MYH9: variants seen among roughly 807,000 people sequenced by gnomAD.
MYH9 encodes the protein myosin heavy chain 9, also known as myosin-9.
Under a neutral mutation model 241.9 loss-of-function variants are expected in MYH9, and 29 were observed. That is an observed-to-expected ratio of 0.12 (90% CI 0.09 to 0.16). The LOEUF (loss-of-function observed/expected upper bound fraction) is 0.16. Ranked by LOEUF, MYH9 falls within the 10% of genes least tolerant of loss-of-function variation. MYH9 has a pLI of 1.00. For synonymous variants in MYH9, 1,047 were observed against 1,062.6 expected, an observed-to-expected ratio of 0.99 and a Z score of 0.29; for missense variants, 1,803 against 2,595.5, an observed-to-expected ratio of 0.69 and a Z score of 6.63.
At chr22:36,322,256 AG>A (rs1332239474) in intron 6 of MYH9, among the ~76,000 whole-genome samples, 172 bp downstream of exon 6, 1 of 152,254 alleles carries the variant, frequency 6.6e-6, no homozygotes, top group Non-Finnish European at 1.5e-5. Context: ...GGGGCAGGGC[AG>A]GTCCACACCA....
intron 1 of MYH9, among the ~76,000 whole-genome samples, chr22:36,355,257 G>A (rs947715996): frequency 6.6e-6 from 1 of 152,166 alleles, no homozygotes; most frequent in African/African-American, 2.4e-5. Flanking sequence ...CTCAGGAAAT[G>A]ATGAAACTGA....
In MYH9 at chr22:36,290,685, C is replaced by T. The variant is rs569403309; in HGVS notation, c.4344+1301G>A. ...AGGGGTGTCTCTGCCCGGCCGCCAT[C>T]CCATCTAGGAGGTGAGGAGCGCCTC... is the stretch of plus-strand genomic sequence containing the variant. On this transcript the variant is annotated intron_variant, in intron 31 of 40. Coordinates refer to ENST00000216181, the MANE Select transcript of MYH9 (RefSeq NM_002473.6). Among the ~76,000 whole-genome samples, 104 of 150,194 alleles carry T rather than the reference C, an allele frequency of 6.9e-4. 1 individual carries two copies. Among genetic ancestry groups the T allele is most frequent in the Non-Finnish European group, 1.2e-4 (8 of 67,434 alleles).
chr22:36,345,439 T>G (rs1395882758), intron 2 of MYH9, among the ~76,000 whole-genome samples: 1 of 151,756 alleles, frequency 6.6e-6, no homozygotes, highest in Non-Finnish European at 1.5e-5. Flanking sequence ...AGGCTCCAAC[T>G]ATAGCACTTA....
chr22:36,346,211 T>C (rs1027871877), intron 2 of MYH9, among the ~76,000 whole-genome samples: 6 of 151,530 alleles, frequency 4.0e-5, no homozygotes, highest in African/African-American at 1.5e-4. Flanking sequence ...TATCTACTTG[T>C]TGATAGGTCT....
At chr22:36,319,853 C>T (rs759413050) in intron 9 of MYH9, 109 of 644,254 alleles carry the variant, frequency 1.7e-4, no homozygotes, top group Middle Eastern at 4.1e-4. Flanking sequence ...ATGGCCTGTC[C>T]GCACTGCCAT....
Position 36,306,566 on chromosome 22 carries a change from C to T in MYH9, c.1885G>A (p.Glu629Lys). Residue 629 changes from glutamate (E) to lysine (K), a missense_variant, in exon 16 of 41, where the codon GAG becomes AAG. Around this residue, in one of 11 missense-constraint regions of MYH9, gnomAD observed 163 missense variants for 349.7 expected, o/e 0.47. Transcript: ENST00000216181. This position sits in a 1 kb window ranked among gnomAD's most constrained non-coding sequence, Gnocchi z 4.1. ...IGLDQVAGMS[E>K]TALPGAFKTR... ...TTGAAGGCCCCGGGCAGTGCGGTCT[C>T]CGACATGCCGGCCACCTGGTCCAGG... 6.2e-7 allele frequency: 1 copy of T among 1,613,932 alleles called. No homozygotes were observed. The highest frequency in any genetic ancestry group is 1.1e-5 in the South Asian group (1 of 91,080).
chr22:36,348,837 A>AGCCCCCCCCCCCCCCCC, intron 2 of MYH9, 67 bp downstream of exon 2: 2 of 539,148 alleles, frequency 3.7e-6, no homozygotes, highest in South Asian at 3.3e-5. Flanking sequence ...TGATGGGAAG[A>AGCCCCCCCCCCCCCCCC]CCCGCCCCCC....
intron 35 of MYH9, 133 bp from the exon 36 acceptor site, chr22:36,286,086 C>A (rs1264100284): frequency 5.6e-6 from 5 of 888,762 alleles, no homozygotes; most frequent in Non-Finnish European, 9.0e-6. Context: ...TCCAGAAACC[C>A]TCTAGCTCAC....
chr22:36,323,709 G>T (rs948585913), intron 5 of MYH9, among the ~76,000 whole-genome samples: 3 of 152,120 alleles, frequency 2.0e-5, no homozygotes, highest in African/African-American at 7.2e-5. Flanking sequence ...GACCACAAGG[G>T]ACACAGCAGA....
intron 18 of MYH9, 116 bp downstream of exon 18, chr22:36,304,917 G>C: frequency 9.5e-7 from 1 of 1,047,734 alleles, no homozygotes; most frequent in East Asian, 2.4e-5. Flanking sequence ...CATCAGAAGG[G>C]ACACAGCCTG....
At chr22:36,302,517 G>A (rs1569535255) in intron 20 of MYH9, 51 bp downstream of exon 20, 1 of 1,422,940 alleles carries the variant, frequency 7.0e-7, no homozygotes, top group Non-Finnish European at 9.9e-7. Context: ...GGTATGTATG[G>A]TGGTGTGCAC....
rs765613154 is a variant in MYH9 at position 36,306,368 on chromosome 22, CCA to C, written c.2037+44_2037+45del. On this transcript the variant is annotated intron_variant, in intron 16 of 40. Transcript: ENST00000216181. The surrounding 1 kb of genome is among the most constrained non-coding windows in gnomAD (Gnocchi z 4.1). Reference sequence around the variant, plus strand: ...GGGAGACAGACAAGGGCTGAGCACCCCACACCACAGTGCCCTGCCCGGGCCAC... The same window carrying C: ...GGGAGACAGACAAGGGCTGAGCACCCCACCACAGTGCCCTGCCCGGGCCAC... The C allele has an allele frequency of 6.2e-6, 10 of 1,609,722 alleles. No homozygotes were observed. In the Admixed American group the frequency reaches 1.2e-4, roughly 19 times the overall value.
At chr22:36,368,073 A>AC (rs1214779440) in intron 1 of MYH9, among the ~76,000 whole-genome samples, 1 of 152,218 alleles carries the variant, frequency 6.6e-6, no homozygotes, top group Non-Finnish European at 1.5e-5. Context: ...AGTCAGGCCA[A>AC]CCTGGAGGTA....
chr22:36,303,801 A>G (rs1281170961), intron 19 of MYH9, among the ~76,000 whole-genome samples, 194 bp downstream of exon 19: 1 of 151,510 alleles, frequency 6.6e-6, no homozygotes, highest in Non-Finnish European at 1.5e-5. Flanking sequence ...AAAAAAAAAA[A>G]AAGAAAAAAA....
chr22:36,354,972 C>CACACACACACAT (rs1375682378), intron 1 of MYH9, among the ~76,000 whole-genome samples: 23 of 150,508 alleles, frequency 1.5e-4, no homozygotes, highest in African/African-American at 5.4e-4. Flanking sequence ...CACACACACA[C>CACACACACACAT]ACACACACAC....
intron 1 of MYH9, among the ~76,000 whole-genome samples, chr22:36,384,941 G>C (rs1419751374): frequency 6.6e-6 from 1 of 151,886 alleles, no homozygotes; most frequent in African/African-American, 2.4e-5. Context: ...TGTCAGCAGA[G>C]GACTCCAGCC....
intron 1 of MYH9, among the ~76,000 whole-genome samples, chr22:36,361,350 C>A (rs187838123): frequency 7.2e-5 from 11 of 152,076 alleles, no homozygotes; most frequent in Non-Finnish European, 1.6e-4. Context: ...CTCCTTGAAG[C>A]GGGCATGGAG....
intron 1 of MYH9, among the ~76,000 whole-genome samples, chr22:36,354,506 G>T (rs150155705): frequency 6.6e-6 from 1 of 150,402 alleles, no homozygotes; most frequent in African/African-American, 2.5e-5. Context: ...GTGCAGTGGC[G>T]TGATCTCAGC....
At position 36,293,622 on chromosome 22, in the gene MYH9, G is replaced by A. The variant is rs1332991835; in HGVS notation, c.3942+137C>T. On this transcript the variant is annotated intron_variant, in intron 29 of 40. Transcript: ENST00000216181. This position sits in a 1 kb window ranked among gnomAD's most constrained non-coding sequence, Gnocchi z 5.1. ...GTAAAGACCTGGAGGGAGCTGGGAGGACGCAGAGACCCACCCACAGGATGA... is the reference window on the plus strand; with the variant it reads ...GTAAAGACCTGGAGGGAGCTGGGAGAACGCAGAGACCCACCCACAGGATGA... 1.3e-5 allele frequency: 18 copies of A among 1,357,716 alleles called. No homozygotes were observed. Among genetic ancestry groups the A allele is most frequent in the Non-Finnish European group, 1.6e-5 (15 of 964,544 alleles). The allele number at this position is 1,357,716 out of a possible 1,614,324, so 84.1% of individuals were successfully genotyped here. A position where few individuals can be genotyped will look rare whatever the true frequency, so the allele number is the denominator to read the frequency against.
Sources: gnomAD v4.1 joint callset for allele counts (sites outside exome capture counted in the v4.1 genomes callset) on GRCh38, gnomAD v4.1.1 for gene constraint, gnomAD v4.1.1 regional missense constraint, Gnocchi (gnomAD v3.1) non-coding constraint, MANE v1.5 for transcripts, NCBI Gene and HGNC (gene_info 2026-07-23, HGNC 2026-07-21) for gene names.